Variants in YJU2 observed in about 807,000 individuals in gnomAD.
The protein encoded by YJU2 is YJU2 splicing factor homolog, also known as splicing factor YJU2.
YJU2 carries 28 observed loss-of-function variants against 39.6 expected under a neutral mutation model. That is an observed-to-expected ratio of 0.71 (90% CI 0.52 to 0.97). YJU2 has a LOEUF of 0.97. Ranked by LOEUF, YJU2 falls within the 50% of genes least tolerant of loss-of-function variation. YJU2 has a pLI of 0.00. For missense variants in YJU2, 328 were observed against 430.4 expected (o/e 0.76, Z 2.11); for synonymous variants, 184 against 182.4 (o/e 1.01, Z -0.07).
At chr19:4,251,333 A>G (rs1351914991) in intron 3 of YJU2, among the ~76,000 whole-genome samples, 162 bp downstream of exon 3, 3 of 152,164 alleles carry the variant, frequency 2.0e-5, no homozygotes, top group Non-Finnish European at 2.9e-5. Flanking sequence ...TCATGGCAGC[A>G]TTCTAAATAA....
At chr19:4,259,323 C>A (rs1280037098) in intron 5 of YJU2, among the ~76,000 whole-genome samples, 1 of 151,968 alleles carries the variant, frequency 6.6e-6, no homozygotes, top group Non-Finnish European at 1.5e-5. Flanking sequence ...TCGTGATCCG[C>A]CCGCCTCGGC....
chr19:4,267,723 A>G lies in YJU2; in HGVS notation c.808A>G (p.Lys270Glu). The change falls in exon 7 of 8, where the codon AAG becomes GAG. Residue 270 changes from lysine (K) to glutamate (E), a missense_variant. Lys to Glu is a moderately conservative substitution (Grantham distance 56). This residue lies in a region of YJU2 where 244 missense variants were observed against 264.6 expected (regional missense o/e 0.92). Transcript: ENST00000262962. ...LSRLVVVKKA[K>E]ADPDCSNGQP... ...GAGGCTGGTCGTGGTGAAGAAGGCA[A>G]AGGCCGACCCGGACTGCAGCAACGG... is the stretch of plus-strand genomic sequence containing the variant. The G allele has an allele frequency of 6.2e-7, 1 of 1,613,160 alleles. No homozygotes were observed. The highest frequency in any genetic ancestry group is 8.5e-7 in the Non-Finnish European group (1 of 1,179,888).
rs534960256 is a variant in YJU2 at position 4,250,389 on chromosome 19, A to G, written c.126-638A>G. ...CCTGGCCTCATGGAGCCCACAGTCT[A>G]ATGGGAAGTGGAGAATAGTGGTAGT... On this transcript the variant is annotated intron_variant, in intron 2 of 7. Coordinates refer to ENST00000262962, the MANE Select transcript of YJU2 (RefSeq NM_018074.6). 3.3e-5 allele frequency among the ~76,000 whole-genome samples: 5 copies of G among 152,148 alleles called. No homozygotes were observed. The South Asian group carries it at 8.3e-4, about 25-fold the overall frequency.
At chr19:4,261,296 G>T (rs542224016) in intron 5 of YJU2, among the ~76,000 whole-genome samples, 3 of 152,170 alleles carry the variant, frequency 2.0e-5, no homozygotes, top group Admixed American at 6.6e-5. Context: ...TTAGAGACCG[G>T]CCTGGCCAAG....
chr19:4,264,155 A>C (rs187724879), intron 6 of YJU2, among the ~76,000 whole-genome samples: 8 of 144,436 alleles, frequency 5.5e-5, no homozygotes, highest in African/African-American at 1.5e-4. Flanking sequence ...CCAGCTACTC[A>C]GGAGGCTGAG....
At chr19:4,266,250 C>T (rs1971114734) in intron 6 of YJU2, among the ~76,000 whole-genome samples, 3 of 152,126 alleles carry the variant, frequency 2.0e-5, no homozygotes, top group Admixed American at 2.0e-4. Context: ...GCGCCCGGCC[C>T]AGAGCCACAA....
chr19:4,268,235 G>A (rs778524901), intron 7 of YJU2, among the ~76,000 whole-genome samples: 195 of 152,288 alleles, frequency 1.3e-3, no homozygotes, highest in Non-Finnish European at 2.1e-3. Flanking sequence ...ATGAGCCACC[G>A]CGCCCGGCCT....
At position 4,251,185 on chromosome 19, in the gene YJU2, CCGGCCAGG is replaced by C. The variant is rs778597868; in HGVS notation, c.270+16_270+23del. The stretch of plus-strand genomic sequence containing the variant: ...ATCACCTTCAAGGTAGGTGAGACGG[CCGGCCAGG>C]CCGGTCCCTCTCCCCCAGCACACCT... On this transcript the variant is annotated intron_variant, in intron 3 of 7. Transcript: ENST00000262962. 3.4e-5 allele frequency: 55 copies of C among 1,610,316 alleles called. No individual in the cohort carries two copies. Among genetic ancestry groups the C allele is most frequent in the Middle Eastern group, 1.8e-4 (1 of 5,506 alleles).
chr19:4,264,310 TTTTG>T (rs1303846902), intron 6 of YJU2, among the ~76,000 whole-genome samples: 3 of 150,606 alleles, frequency 2.0e-5, no homozygotes, highest in East Asian at 1.9e-4. Flanking sequence ...TTTCTTCCTT[TTTTG>T]TTTGTTTGTT....
At chr19:4,260,896 C>G (rs969738123) in intron 5 of YJU2, among the ~76,000 whole-genome samples, 1 of 152,126 alleles carries the variant, frequency 6.6e-6, no homozygotes, top group Non-Finnish European at 1.5e-5. Context: ...AGGACAACAT[C>G]CATCTGGGTG....
chr19:4,263,087 A>C (rs998551183), intron 6 of YJU2, among the ~76,000 whole-genome samples: 4 of 151,902 alleles, frequency 2.6e-5, no homozygotes, highest in African/African-American at 9.7e-5. Flanking sequence ...AAAAAAAAAA[A>C]AAAAACTTAA....
At chr19:4,254,940 C>T (rs1971007304) in intron 4 of YJU2, among the ~76,000 whole-genome samples, 1 of 151,592 alleles carries the variant, frequency 6.6e-6, no homozygotes, top group Admixed American at 6.6e-5. Context: ...TCTGGAATTA[C>T]AGCTACTCAG....
At chr19:4,247,301 C>A in intron 1 of YJU2, 131 bp downstream of exon 1, 1 of 760,490 alleles carries the variant, frequency 1.3e-6, no homozygotes, top group Non-Finnish European at 2.2e-6. Flanking sequence ...ATGGGGCTTC[C>A]CAGACTCCTC....
At chr19:4,253,728 G>T (rs118179714) in intron 3 of YJU2, among the ~76,000 whole-genome samples, 5 of 152,148 alleles carry the variant, frequency 3.3e-5, no homozygotes, top group Non-Finnish European at 7.3e-5. Context: ...AAAAACAGGG[G>T]CATGCTGTAT....
At position 4,251,009 on chromosome 19, in the gene YJU2, C is replaced by T; in HGVS notation, c.126-18C>T. ...CAGCGTCCCAAGACAGCTCACATCC[C>T]TACATGCTGCCCCGCAGGTGTAAGA... On this transcript the variant is annotated intron_variant, in intron 2 of 7. Transcript: ENST00000262962. 1 of 1,613,330 alleles carries T rather than the reference C, an allele frequency of 6.2e-7. No homozygotes were observed. The highest frequency in any genetic ancestry group is 8.5e-7 in the Non-Finnish European group (1 of 1,179,420).
In YJU2 at chr19:4,255,259, T is replaced by C. The variant is rs191391999; in HGVS notation, c.405+770T>C. Among the ~76,000 whole-genome samples, 7 of 151,918 alleles carry C rather than the reference T, an allele frequency of 4.6e-5. No homozygotes were observed. The East Asian group carries it at 1.4e-3, about 29-fold the overall frequency. ...AATAAATAAAAGAAATTATGTTCAC[T>C]TCCAATAGGACAATTTTGTATTTTC... is the stretch of plus-strand genomic sequence containing the variant. On this transcript the variant is annotated intron_variant, in intron 4 of 7. Transcript: ENST00000262962.
chr19:4,248,717 G>A (rs1217857877), intron 1 of YJU2, among the ~76,000 whole-genome samples: 3 of 152,108 alleles, frequency 2.0e-5, no homozygotes, highest in African/African-American at 7.2e-5. Flanking sequence ...TCAGGAGTTC[G>A]AGACTAGCCT....
chr19:4,268,660 A>T lies in YJU2; in HGVS notation c.936A>T (p.Ala312=), dbSNP rs754473112. ...CGTCCTCCCTGAGCCAACTGGGTGCATACCTGGACAGTGACGACAGCAACG... is the reference window on the plus strand; with the variant it reads ...CGTCCTCCCTGAGCCAACTGGGTGCTTACCTGGACAGTGACGACAGCAACG... ...PGASSLSQLG[A]YLDSDDSNGS... The change falls in exon 8 of 8, where the codon GCA becomes GCT. Residue 312 remains alanine, a synonymous_variant. Transcript: ENST00000262962. 1 of 1,613,962 alleles carries T rather than the reference A, an allele frequency of 6.2e-7. No individual in the cohort carries two copies. The highest frequency in any genetic ancestry group is 1.7e-5 in the Admixed American group (1 of 60,006).
intron 3 of YJU2, among the ~76,000 whole-genome samples, chr19:4,254,017 C>T (rs1970998839): frequency 6.6e-6 from 1 of 152,088 alleles, no homozygotes; most frequent in African/African-American, 2.4e-5. Flanking sequence ...TCCATGTTGG[C>T]CAGGCTGGTC....
Sources: gnomAD v4.1 joint callset for allele counts (sites outside exome capture counted in the v4.1 genomes callset) on GRCh38, gnomAD v4.1.1 for gene constraint, gnomAD v4.1.1 regional missense constraint, MANE v1.5 for transcripts, NCBI Gene and HGNC (gene_info 2026-07-23, HGNC 2026-07-21) for gene names.